ASIC2: variants seen among roughly 807,000 people sequenced by gnomAD.
ASIC2 encodes acid-sensing ion channel 2.
A neutral mutation model predicts 57.3 loss-of-function variants in ASIC2; 25 were observed. That is an observed-to-expected ratio of 0.44 (90% confidence interval 0.32 to 0.61). ASIC2 has a LOEUF of 0.61. Ranked by LOEUF, ASIC2 falls within the 20% of genes least tolerant of loss-of-function variation. The pLI, the probability that ASIC2 is intolerant of heterozygous loss-of-function variation, is 0.06. For synonymous variants in ASIC2, 319 were observed against 307.5 expected (o/e 1.04, Z -0.39); for missense variants, 641 against 738.1 (o/e 0.87, Z 1.52).
chr17:33,951,757 A>AT (rs11418012), intron 1 of ASIC2, among the ~76,000 whole-genome samples: 53,549 of 135,508 alleles, frequency 0.4, 10,193 homozygotes, highest in Middle Eastern at 0.45. Flanking sequence ...TAATTTTTGT[A>AT]TTTTTTTTTT....
chr17:33,640,784 C>T (rs879690180), intron 1 of ASIC2, among the ~76,000 whole-genome samples: 6 of 152,170 alleles, frequency 3.9e-5, no homozygotes, highest in African/African-American at 9.7e-5. Flanking sequence ...TAGAGTCCCT[C>T]GTAGGTATTG....
At chr17:33,210,139 C>A (rs925062408) in intron 1 of ASIC2, among the ~76,000 whole-genome samples, 18 of 152,270 alleles carry the variant, frequency 1.2e-4, no homozygotes, top group African/African-American at 4.3e-4. Flanking sequence ...CCCACGTCGC[C>A]CATGTTTCTC....
At chr17:33,580,890 A>C (rs1904413050) in intron 1 of ASIC2, among the ~76,000 whole-genome samples, 1 of 152,240 alleles carries the variant, frequency 6.6e-6, no homozygotes, top group South Asian at 2.1e-4. Context: ...GCACCTACCC[A>C]GGGTTAATGG....
chr17:34,104,588 C>A (rs1378015722), intron 1 of ASIC2, among the ~76,000 whole-genome samples: 1 of 152,012 alleles, frequency 6.6e-6, no homozygotes, highest in East Asian at 1.9e-4. Context: ...TAACAATAGA[C>A]TCTTGCACAT....
At chr17:33,895,323 C>A (rs887394404) in intron 1 of ASIC2, among the ~76,000 whole-genome samples, 1 of 152,084 alleles carries the variant, frequency 6.6e-6, no homozygotes, top group African/African-American at 2.4e-5. Flanking sequence ...CCACCACACC[C>A]AGCTAATTTT....
chr17:33,822,755 G>A (rs1266915819), intron 1 of ASIC2, among the ~76,000 whole-genome samples: 1 of 152,226 alleles, frequency 6.6e-6, no homozygotes, highest in Non-Finnish European at 1.5e-5. Flanking sequence ...GGCCTGGGAT[G>A]TGGTTGTGAG....
At chr17:34,020,250 C>T (rs1402925076) in intron 1 of ASIC2, among the ~76,000 whole-genome samples, 2 of 152,140 alleles carry the variant, frequency 1.3e-5, no homozygotes, top group Non-Finnish European at 2.9e-5. Flanking sequence ...AGACCTGGCT[C>T]AATAAATACG....
intron 1 of ASIC2, among the ~76,000 whole-genome samples, chr17:33,485,675 C>T (rs1913553644): frequency 6.6e-6 from 1 of 152,182 alleles, no homozygotes; most frequent in African/African-American, 2.4e-5. Flanking sequence ...TGCCTTCTTG[C>T]CTGCCTCTCA....
chr17:33,032,248 T>C (rs542022521), intron 3 of ASIC2, among the ~76,000 whole-genome samples: 1 of 152,184 alleles, frequency 6.6e-6, no homozygotes, highest in Non-Finnish European at 1.5e-5. Context: ...TTCATTCTGT[T>C]TTCTCCATTG....
intron 1 of ASIC2, among the ~76,000 whole-genome samples, chr17:33,704,129 C>T (rs895039150): frequency 2.0e-5 from 3 of 152,192 alleles, no homozygotes; most frequent in Admixed American, 1.3e-4. Context: ...CCAGCAACCA[C>T]GGTGACCATA....
intron 1 of ASIC2, among the ~76,000 whole-genome samples, chr17:33,608,865 T>TA (rs1302776888): frequency 1.3e-5 from 2 of 152,200 alleles, no homozygotes; most frequent in African/African-American, 4.8e-5. Flanking sequence ...CAAGTCTTCT[T>TA]AATGTATATT....
chr17:33,116,353 C>T (rs907382520), intron 1 of ASIC2, among the ~76,000 whole-genome samples: 3 of 152,216 alleles, frequency 2.0e-5, no homozygotes, highest in Non-Finnish European at 2.9e-5. Context: ...GGCACCATGA[C>T]GTGTAAGAAC....
At chr17:33,789,499 C>G (rs1351834546) in intron 1 of ASIC2, among the ~76,000 whole-genome samples, 1 of 151,748 alleles carries the variant, frequency 6.6e-6, no homozygotes, top group Non-Finnish European at 1.5e-5. Context: ...CACACACACA[C>G]ACACGTGCAG....
At chr17:34,134,908 A>G (rs1912086558) in intron 1 of ASIC2, among the ~76,000 whole-genome samples, 1 of 152,186 alleles carries the variant, frequency 6.6e-6, no homozygotes, top group African/African-American at 2.4e-5. Context: ...GGGCCCCTTC[A>G]GTTCATACCC....
At chr17:33,125,916 G>T (rs2142001361) in intron 1 of ASIC2, among the ~76,000 whole-genome samples, 1 of 152,270 alleles carries the variant, frequency 6.6e-6, no homozygotes, top group African/African-American at 2.4e-5. Flanking sequence ...TGGGGCAAAT[G>T]AAGACCTAGG....
chr17:33,870,591 A>G (rs1256540061), intron 1 of ASIC2, among the ~76,000 whole-genome samples: 1 of 151,814 alleles, frequency 6.6e-6, no homozygotes, highest in Non-Finnish European at 1.5e-5. Context: ...GGAAAGTACA[A>G]TTTTCGGAAT....
chr17:33,309,454 T>C (rs947426679), intron 1 of ASIC2, among the ~76,000 whole-genome samples: 4 of 152,180 alleles, frequency 2.6e-5, no homozygotes, highest in African/African-American at 9.7e-5. Flanking sequence ...AAACTGAGCC[T>C]GAGACAGTTC....
chr17:33,402,587 T>A (rs1910322813), intron 1 of ASIC2, among the ~76,000 whole-genome samples: 1 of 152,196 alleles, frequency 6.6e-6, no homozygotes, highest in Admixed American at 6.5e-5. Flanking sequence ...GGCTTCCAGC[T>A]TCATCCATGT....
intron 1 of ASIC2, among the ~76,000 whole-genome samples, chr17:33,423,179 A>T (rs1048985288): frequency 1.3e-5 from 2 of 152,184 alleles, no homozygotes; most frequent in East Asian, 1.9e-4. Flanking sequence ...TTCCAGGACC[A>T]TGCCTTGAGA....
Sources: gnomAD v4.1 joint callset for allele counts (sites outside exome capture counted in the v4.1 genomes callset) on GRCh38, gnomAD v4.1.1 for gene constraint, MANE v1.5 for transcripts, NCBI Gene and HGNC (gene_info 2026-07-23, HGNC 2026-07-21) for gene names.